Variants in MBTD1 observed in about 807,000 individuals in gnomAD.
MBTD1 encodes the protein mbt domain containing 1, also known as MBT domain-containing protein 1.
In MBTD1, 24 loss-of-function variants were observed where a neutral mutation model predicts 87.8. The observed-to-expected ratio is 0.27, with a 90% CI of 0.20 to 0.38. The LOEUF is 0.38. MBTD1 is among the 10% of genes least tolerant of loss of function. MBTD1 has a pLI of 1.00. For missense variants in MBTD1, 436 were observed against 760.2 expected, an observed-to-expected ratio of 0.57 and a Z score of 5.02; for synonymous variants, 237 against 248.6, an observed-to-expected ratio of 0.95 and a Z score of 0.44.
At position 51,179,375 on chromosome 17, in the gene MBTD1, CTTTTTT is replaced by C; in HGVS notation, c.*1195_*1200del. 2.2e-5 allele frequency: 3 copies of C among 134,190 alleles called. 1 individual carries two copies. The Middle Eastern group carries it at 0.011, about 501-fold the overall frequency. 8.3% of individuals were successfully genotyped at this position (134,190 alleles called of 1,614,324 possible). A position where few individuals can be genotyped will look rare whatever the true frequency, so the allele number is the denominator to read the frequency against. On this transcript the variant is annotated 3_prime_UTR_variant, in exon 17 of 17. Transcript: ENST00000586178. ...CCTTTCACCAGTTTACCCTTGTATC[CTTTTTT>C]TTTTTTTAAAAGGAAGTCATATGAA... is the stretch of plus-strand genomic sequence containing the variant.
chr17:51,179,514 A>T lies in MBTD1; in HGVS notation c.*1062T>A, dbSNP rs867312561. The T allele has an allele frequency of 6.5e-4, 62 of 96,038 alleles. 1 individual carries two copies. Among genetic ancestry groups the T allele is most frequent in the East Asian group, 1.1e-3 (4 of 3,590 alleles). 5.9% of individuals were successfully genotyped at this position (96,038 alleles called of 1,614,324 possible). Reference sequence around the variant, plus strand: ...TATATATATATATATATATATATATATATATATATATATATATATATATGG... The same window carrying T: ...TATATATATATATATATATATATATTTATATATATATATATATATATATGG... On this transcript the variant is annotated 3_prime_UTR_variant, in exon 17 of 17. Transcript: ENST00000586178.
At chr17:51,215,289 G>A (rs1440468485) in intron 6 of MBTD1, among the ~76,000 whole-genome samples, 2 of 152,170 alleles carry the variant, frequency 1.3e-5, no homozygotes, top group East Asian at 3.8e-4. Flanking sequence ...ATTGAACAAA[G>A]TCAATCAAGT....
At chr17:51,227,421 T>C (rs929152168) in intron 2 of MBTD1, among the ~76,000 whole-genome samples, 1 of 151,938 alleles carries the variant, frequency 6.6e-6, no homozygotes, top group African/African-American at 2.4e-5. Context: ...ATTAGCCAAG[T>C]GTGGTGGCTT....
chr17:51,179,490 ATATATAT>A lies in MBTD1; in HGVS notation c.*1079_*1085del. 1 of 23,534 alleles carries A rather than the reference ATATATAT, an allele frequency of 4.2e-5. No individual in the cohort carries two copies. The highest frequency in any genetic ancestry group is 1.6e-3 in the South Asian group (1 of 622). The allele number at this position is 23,534 out of a possible 1,614,324, so 1.5% of individuals were successfully genotyped here. A position where few individuals can be genotyped will look rare whatever the true frequency, so the allele number is the denominator to read the frequency against. ...AATACAATTAAAGACAATTTTATAT[ATATATAT>A]ATATATATATATATATATATATATA... On this transcript the variant is annotated 3_prime_UTR_variant, in exon 17 of 17. Coordinates refer to ENST00000586178, the MANE Select transcript of MBTD1 (RefSeq NM_017643.3).
intron 16 of MBTD1, among the ~76,000 whole-genome samples, chr17:51,190,509 G>A (rs1237392866): frequency 6.6e-6 from 1 of 150,818 alleles, no homozygotes; most frequent in Non-Finnish European, 1.5e-5. Context: ...GATCGCTTGA[G>A]CCCAGGAGTT....
intron 2 of MBTD1, among the ~76,000 whole-genome samples, chr17:51,239,552 C>A (rs2054045173): frequency 6.6e-6 from 1 of 152,120 alleles, no homozygotes; most frequent in Admixed American, 6.6e-5. Flanking sequence ...AGCCCTTTTA[C>A]CTCTAAATCA....
chr17:51,258,938 G>C (rs1429969295), intron 2 of MBTD1, among the ~76,000 whole-genome samples: 1 of 152,110 alleles, frequency 6.6e-6, no homozygotes, highest in Non-Finnish European at 1.5e-5. Flanking sequence ...CAAAATATAG[G>C]CCAATGAGCA....
chr17:51,226,674 C>T (rs1490949672), intron 2 of MBTD1, among the ~76,000 whole-genome samples: 2 of 149,890 alleles, frequency 1.3e-5, no homozygotes, highest in African/African-American at 4.9e-5. Flanking sequence ...CTCTGTCACC[C>T]AGGCTGGAGT....
At position 51,217,414 on chromosome 17, in the gene MBTD1, C is replaced by T. The variant is rs1472012005; in HGVS notation, c.406G>A (p.Val136Ile). ...CCCCAGCTGAAACCTTCCATGGAGA[C>T]TGCTAAAATGAAACAAATTTAGATG... ...LQNQAKTKAA[V>I]SMEGFSWGNY... Residue 136 changes from valine (V) to isoleucine (I), a missense_variant and splice_region_variant, in exon 6 of 17, where the codon GTC becomes ATC. Val to Ile is a conservative substitution (Grantham distance 29). Around this residue, in one of 5 missense-constraint regions of MBTD1, gnomAD observed 268 missense variants for 401.8 expected, o/e 0.67. Transcript: ENST00000586178. 5.4e-6 allele frequency: 8 copies of T among 1,485,910 alleles called. No homozygotes were observed. The highest frequency in any genetic ancestry group is 7.2e-6 in the Non-Finnish European group (8 of 1,105,140). The allele number at this position is 1,485,910 out of a possible 1,614,324, so 92.0% of individuals were successfully genotyped here.
At chr17:51,236,847 C>T (rs952387489) in intron 2 of MBTD1, among the ~76,000 whole-genome samples, 3 of 152,066 alleles carry the variant, frequency 2.0e-5, no homozygotes, top group Non-Finnish European at 4.4e-5. Context: ...CACTTTGATC[C>T]ATACCTCACA....
At chr17:51,221,657 G>C (rs1409135188) in intron 3 of MBTD1, among the ~76,000 whole-genome samples, 1 of 152,120 alleles carries the variant, frequency 6.6e-6, no homozygotes, top group Admixed American at 6.6e-5. Flanking sequence ...AATTGCGTCT[G>C]TACTGACCAT....
intron 7 of MBTD1, among the ~76,000 whole-genome samples, chr17:51,206,333 C>A (rs1020834559): frequency 7.9e-5 from 12 of 152,094 alleles, no homozygotes; most frequent in Admixed American, 1.3e-4. Flanking sequence ...GTCTTGAACT[C>A]CTAGGCTCAA....
In MBTD1 at chr17:51,193,279, AATATTT is replaced by A. The variant is rs1267268777; in HGVS notation, c.1455+143_1455+148del. 2.8e-5 allele frequency: 17 copies of A among 596,612 alleles called. No homozygotes were observed. The East Asian group carries it at 4.6e-4, about 16-fold the overall frequency. 37.0% of individuals were successfully genotyped at this position (596,612 alleles called of 1,614,324 possible). ...CAAGTTTTGATTCCTAGGTAAAGAA[AATATTT>A]ATATTGTTTCATTGCTATATTTGTT... On this transcript the variant is annotated intron_variant, in intron 14 of 16. Coordinates refer to ENST00000586178, the MANE Select transcript of MBTD1 (RefSeq NM_017643.3).
intron 2 of MBTD1, 64 bp downstream of exon 2, chr17:51,259,079 C>T: frequency 2.5e-6 from 1 of 403,364 alleles, no homozygotes; most frequent in Non-Finnish European, 4.3e-6. Flanking sequence ...GAAATATGGG[C>T]TTTCCTGGGC....
intron 16 of MBTD1, among the ~76,000 whole-genome samples, chr17:51,190,750 A>AAAAAAATATATATAT (rs1555677185): frequency 2.5e-5 from 1 of 39,714 alleles, no homozygotes; most frequent in African/African-American, 1.5e-4. Flanking sequence ...AAAAAAAAAA[A>AAAAAAATATATATAT]ATATATATAT....
At chr17:51,219,478 C>T (rs570773776) in intron 4 of MBTD1, among the ~76,000 whole-genome samples, 4 of 152,210 alleles carry the variant, frequency 2.6e-5, no homozygotes, top group East Asian at 1.9e-4. Flanking sequence ...TTAGTGCTAA[C>T]GCAAAAGATC....
intron 3 of MBTD1, among the ~76,000 whole-genome samples, chr17:51,222,721 G>C (rs2052982987): frequency 6.6e-6 from 1 of 152,066 alleles, no homozygotes; most frequent in African/African-American, 2.4e-5. Context: ...GTTTTAACTG[G>C]AGGATGACCA....
rs2050265737 is a variant in MBTD1 at position 51,180,675 on chromosome 17, C to CTGAA, written c.1787_1788insTTCA (p.Lys596AsnfsTer12). 1.3e-6 allele frequency: 2 copies of CTGAA among 1,545,562 alleles called. No individual in the cohort carries two copies. Among genetic ancestry groups the CTGAA allele is most frequent in the Non-Finnish European group, 8.8e-7 (1 of 1,141,568 alleles). On this transcript the variant is annotated frameshift_variant, in exon 17 of 17. Coordinates refer to ENST00000586178, the MANE Select transcript of MBTD1 (RefSeq NM_017643.3). LOFTEE classifies it high-confidence loss of function. ...AATCCTCTCCATCCAGCAACTCCTC[C>CTGAA]TTCAGCTGCAGTGTTGTCACTGAAT...
intron 2 of MBTD1, among the ~76,000 whole-genome samples, chr17:51,238,818 G>C (rs979143044): frequency 6.6e-6 from 1 of 152,180 alleles, no homozygotes; most frequent in Non-Finnish European, 1.5e-5. Context: ...CAATGAAGTG[G>C]GCCGGGTGTG....
Sources: allele counts gnomAD v4.1 joint callset (sites outside exome capture counted in the v4.1 genomes callset), GRCh38; gene constraint gnomAD v4.1.1; regional missense constraint gnomAD v4.1.1; transcripts MANE v1.5; gene names NCBI Gene and HGNC (gene_info 2026-07-23, HGNC 2026-07-21).